The following MEIG1 variants were observed in gnomAD, a reference collection of about 807,000 sequenced individuals.
The protein encoded by MEIG1 is meiosis/spermiogenesis associated 1.
A neutral mutation model predicts 11.3 loss-of-function variants in MEIG1; 12 were observed. The observed-to-expected ratio is 1.07, with a 90% CI of 0.68 to 1.73. The LOEUF is 1.73. Among genes scored for constraint, MEIG1 ranks in the 40% most tolerant of loss-of-function variants. The pLI is 0.00. For synonymous variants in MEIG1, 41 were observed against 33.2 expected, an observed-to-expected ratio of 1.24 and a Z score of -0.81; for missense variants, 119 against 104.9, an observed-to-expected ratio of 1.13 and a Z score of -0.59.
chr10:14,966,643 G>A (rs1454268523), intron 2 of MEIG1, 37 bp downstream of exon 2: 3 of 1,572,880 alleles, frequency 1.9e-6, no homozygotes, highest in Admixed American at 3.9e-5. Flanking sequence ...AACTCGAAAT[G>A]TATTTCTCAG....
intron 1 of MEIG1, among the ~76,000 whole-genome samples, chr10:14,979,793 G>A (rs903822559): frequency 1.5e-4 from 23 of 152,012 alleles, no homozygotes; most frequent in Admixed American, 1.4e-3. Flanking sequence ...CACACATGGT[G>A]TACACCCTGT....
At chr10:14,981,934 C>G (rs1216231227) in intron 1 of MEIG1, among the ~76,000 whole-genome samples, 8 of 152,208 alleles carry the variant, frequency 5.3e-5, no homozygotes, top group Admixed American at 4.6e-4. Context: ...TCTCTTTGCG[C>G]TTTTCCTCGC....
At chr10:14,965,623 C>A (rs1378067047) in intron 1 of MEIG1, among the ~76,000 whole-genome samples, 1 of 151,032 alleles carries the variant, frequency 6.6e-6, no homozygotes, top group African/African-American at 2.4e-5. Flanking sequence ...CCATCCCCTC[C>A]CAGAAACAAG....
intron 1 of MEIG1, 81 bp from the exon 2 acceptor site, chr10:14,966,359 G>GC: frequency 2.0e-6 from 2 of 1,000,410 alleles, no homozygotes; most frequent in Non-Finnish European, 2.8e-6. Context: ...ACCGCACCCG[G>GC]CCAGTTTTGT....
chr10:14,978,113 C>T (rs1353354332), intron 1 of MEIG1, among the ~76,000 whole-genome samples: 1 of 151,794 alleles, frequency 6.6e-6, no homozygotes, highest in Non-Finnish European at 1.5e-5. Flanking sequence ...CTCCTAATAT[C>T]ACATGTGTTA....
intron 2 of MEIG1, chr10:14,987,218 C>G: frequency 2.1e-6 from 2 of 959,310 alleles, no homozygotes; most frequent in Non-Finnish European, 3.3e-6. Flanking sequence ...CGAAGTGAAC[C>G]CGATGTCAGC....
At chr10:14,966,711 C>A in intron 2 of MEIG1, 105 bp downstream of exon 2, 1 of 1,011,320 alleles carries the variant, frequency 9.9e-7, no homozygotes, top group Non-Finnish European at 1.5e-6. Flanking sequence ...TCGACTCCAA[C>A]TCTCTCATTT....
upstream of MEIG1, among the ~76,000 whole-genome samples, chr10:14,955,181 C>T (rs1842910885): frequency 6.6e-6 from 1 of 152,210 alleles, no homozygotes; most frequent in Admixed American, 6.5e-5. Flanking sequence ...ATCCGCTCGC[C>T]TCGGCCTCCC....
At position 14,981,125 on chromosome 10, in the gene MEIG1, G is replaced by C. The variant is rs192292184; in HGVS notation, n.67-5671G>C. Among the ~76,000 whole-genome samples, 352 of 152,078 alleles carry C rather than the reference G, an allele frequency of 2.3e-3. 3 individuals carry two copies. The highest frequency in any genetic ancestry group is 7.7e-3 in the African/African-American group (318 of 41,440). ...CTTGAAGAGCTTCTCTGGTGACCGG[G>C]TCCTGTTTTTGCCTAAGCGGCTGGG... On this transcript the variant is annotated intron_variant and non_coding_transcript_variant, in intron 1 of 2. Transcript: ENST00000467536.
At chr10:14,961,672 T>G (rs1369926390) in intron 1 of MEIG1, among the ~76,000 whole-genome samples, 1 of 146,940 alleles carries the variant, frequency 6.8e-6, no homozygotes, top group Non-Finnish European at 1.5e-5. Flanking sequence ...TAGAGACAGG[T>G]TTTCACCAGG....
At chr10:14,977,802 C>T (rs1195899916), downstream of MEIG1, among the ~76,000 whole-genome samples, 1 of 151,876 alleles carries the variant, frequency 6.6e-6, no homozygotes, top group Non-Finnish European at 1.5e-5. Flanking sequence ...TGGGTGTACA[C>T]CATGTGTGTA....
chr10:14,980,197 T>TC (rs1267990761), intron 1 of MEIG1, among the ~76,000 whole-genome samples: 1 of 152,074 alleles, frequency 6.6e-6, no homozygotes, highest in Non-Finnish European at 1.5e-5. Context: ...ATTCGGAGTA[T>TC]CCCAGGGGGA....
chr10:14,975,623 T>G (rs1414101433), downstream of MEIG1, among the ~76,000 whole-genome samples: 4 of 152,048 alleles, frequency 2.6e-5, no homozygotes, highest in African/African-American at 9.7e-5. Flanking sequence ...GATAATATTC[T>G]TCTTAATAAC....
rs561635718 is a variant in MEIG1, at chr10:14,986,094, A to C, written n.67-702A>C. ...TATTTTATATCCTAGGGAGGTATTA[A>C]TTCTAATATCACAGTGGGTCTTCAC... On this transcript the variant is annotated intron_variant and non_coding_transcript_variant, in intron 1 of 2. Coordinates refer to the MEIG1 transcript ENST00000467536. Among the ~76,000 whole-genome samples the C allele has an allele frequency of 1.2e-3, 183 of 152,294 alleles. 1 individual carries two copies. Among genetic ancestry groups the C allele is most frequent in the Middle Eastern group, 0.01 (3 of 294 alleles).
At chr10:14,954,299 G>A in the MEIG1 span, 1 of 527,456 alleles carries the variant, frequency 1.9e-6, no homozygotes, top group South Asian at 2.0e-5. Flanking sequence ...CACAGGTGTT[G>A]CTCTGGTAAG....
intron 1 of MEIG1, among the ~76,000 whole-genome samples, chr10:14,983,785 C>T (rs369053840): frequency 2.8e-4 from 43 of 151,930 alleles, no homozygotes; most frequent in South Asian, 1.3e-3. Context: ...CCCAGTGATA[C>T]GGTCCTTAAT....
At chr10:14,983,908 C>T (rs1843289455) in intron 1 of MEIG1, among the ~76,000 whole-genome samples, 1 of 152,000 alleles carries the variant, frequency 6.6e-6, no homozygotes, top group South Asian at 2.1e-4. Flanking sequence ...CTTTCAATAT[C>T]GCATGGGGTG....
In MEIG1 at chr10:14,980,519, C is replaced by T. The variant is rs143767929; in HGVS notation, n.67-6277C>T. 6.8e-4 allele frequency among the ~76,000 whole-genome samples: 103 copies of T among 152,212 alleles called. 1 individual carries two copies. The highest frequency in any genetic ancestry group is 2.5e-3 in the African/African-American group (102 of 41,530). On this transcript the variant is annotated intron_variant and non_coding_transcript_variant, in intron 1 of 2. Coordinates refer to the MEIG1 transcript ENST00000467536. Reference sequence around the variant, plus strand: ...TAATCTTATTCAGAATATGAAGTAACGTACCTGCTGTCAGGAGATCTGAGC... The same window carrying T: ...TAATCTTATTCAGAATATGAAGTAATGTACCTGCTGTCAGGAGATCTGAGC...
chr10:14,959,602 C>T (rs1039206848), intron 1 of MEIG1, 45 bp downstream of exon 1: 5 of 152,580 alleles, frequency 3.3e-5, no homozygotes, highest in African/African-American at 1.2e-4. Flanking sequence ...CCCGCCAACC[C>T]CTGCGCCCCG....
Sources: allele counts gnomAD v4.1 joint callset (sites outside exome capture counted in the v4.1 genomes callset), GRCh38; gene constraint gnomAD v4.1.1; transcripts MANE v1.5; gene names NCBI Gene and HGNC (gene_info 2026-07-23, HGNC 2026-07-21).